Variants in RIMS2 observed in about 807,000 individuals in gnomAD.
The protein encoded by RIMS2 is regulating synaptic membrane exocytosis protein 2.
A neutral mutation model predicts 174.4 loss-of-function variants in RIMS2; 59 were observed. The observed-to-expected ratio is 0.34, with a 90% CI of 0.27 to 0.42. The LOEUF (loss-of-function observed/expected upper bound fraction) is 0.42, where lower values mean the gene tolerates loss of function less well. RIMS2 is among the 10% of genes least tolerant of loss of function. RIMS2 has a pLI of 1.00. For missense variants in RIMS2, 1,620 were observed against 1,666.3 expected, an observed-to-expected ratio of 0.97 and a Z score of 0.48; for synonymous variants, 606 against 572.5, an observed-to-expected ratio of 1.06 and a Z score of -0.84.
intron 4 of RIMS2, among the ~76,000 whole-genome samples, chr8:103,888,845 A>T (rs565796930): frequency 9.9e-5 from 15 of 151,776 alleles, no homozygotes; most frequent in African/African-American, 3.1e-4. Context: ...GCTCTTGAAG[A>T]TAGGCCTCTG....
chr8:103,826,004 A>G (rs1188613522), intron 3 of RIMS2, among the ~76,000 whole-genome samples: 1 of 152,094 alleles, frequency 6.6e-6, no homozygotes, highest in Non-Finnish European at 1.5e-5. Context: ...ATTTTATTAT[A>G]TTTGCCTCAT....
Position 104,131,897 on chromosome 8 carries a change from G to A in RIMS2, c.3335-113019G>A, listed in dbSNP as rs116244506. On this transcript the variant is annotated intron_variant, in intron 19 of 23. Transcript: ENST00000504942. ...GAGTGATTTACATTTAATAATACAA[G>A]CACTATAGAATTTTGAAAAGAAGTA... Among the ~76,000 whole-genome samples, 440 of 152,150 alleles carry A rather than the reference G, an allele frequency of 2.9e-3. 6 individuals carry two copies. Among genetic ancestry groups the A allele is most frequent in the African/African-American group, 0.01 (426 of 41,518 alleles).
intron 3 of RIMS2, among the ~76,000 whole-genome samples, chr8:103,844,061 C>T (rs866099780): frequency 6.6e-6 from 1 of 152,166 alleles, no homozygotes; most frequent in Non-Finnish European, 1.5e-5. Flanking sequence ...TGCCTGCTGC[C>T]ATTCACATAA....
At chr8:103,673,404 G>T (rs907239678) in intron 1 of RIMS2, among the ~76,000 whole-genome samples, 3 of 152,190 alleles carry the variant, frequency 2.0e-5, no homozygotes, top group Admixed American at 2.0e-4. Context: ...CCACTCTTAG[G>T]AGGCTTCCGC....
chr8:103,747,998 C>G (rs753799787), intron 2 of RIMS2, among the ~76,000 whole-genome samples: 2 of 152,006 alleles, frequency 1.3e-5, no homozygotes, highest in African/African-American at 2.4e-5. Context: ...GATGACTATA[C>G]CTGATAAGTG....
At chr8:103,931,350 C>G in exon 12 of RIMS2, 1 of 1,604,258 alleles carries the variant, frequency 6.2e-7, no homozygotes, top group Non-Finnish European at 8.5e-7. Flanking sequence ...AGATGGGAGG[C>G]CAAGGAATCC....
At chr8:104,219,330 G>A (rs1406674935) in intron 19 of RIMS2, among the ~76,000 whole-genome samples, 1 of 152,168 alleles carries the variant, frequency 6.6e-6, no homozygotes, top group Non-Finnish European at 1.5e-5. Flanking sequence ...TCTGTAATAT[G>A]ATGTACAGGA....
chr8:103,585,638 A>G (rs2093873593), intron 1 of RIMS2, among the ~76,000 whole-genome samples: 1 of 152,132 alleles, frequency 6.6e-6, no homozygotes, highest in Non-Finnish European at 1.5e-5. Flanking sequence ...AAGAACAGAA[A>G]ACCAAACACC....
At chr8:104,117,062 A>G (rs1472768757) in intron 19 of RIMS2, among the ~76,000 whole-genome samples, 2 of 151,850 alleles carry the variant, frequency 1.3e-5, no homozygotes, top group Non-Finnish European at 2.9e-5. Context: ...AAAATTCATC[A>G]CACTTGGTGG....
intron 3 of RIMS2, among the ~76,000 whole-genome samples, chr8:103,844,336 C>A (rs2098956711): frequency 6.6e-6 from 1 of 152,094 alleles, no homozygotes; most frequent in African/African-American, 2.4e-5. Flanking sequence ...CCTCTAGTCC[C>A]TTGTATTTTG....
intron 19 of RIMS2, among the ~76,000 whole-genome samples, chr8:104,120,046 A>G (rs935606570): frequency 6.6e-6 from 1 of 152,196 alleles, no homozygotes; most frequent in Non-Finnish European, 1.5e-5. Context: ...ACTGAATTGC[A>G]TAGATTCTAA....
Position 103,792,609 on chromosome 8 carries a change from T to G in RIMS2, c.698+26072T>G, listed in dbSNP as rs193236885. 1.4e-3 allele frequency among the ~76,000 whole-genome samples: 202 copies of G among 146,148 alleles called. 1 individual carries two copies. The highest frequency in any genetic ancestry group is 4.7e-3 in the African/African-American group (189 of 39,850). On this transcript the variant is annotated intron_variant, in intron 3 of 23. Coordinates refer to ENST00000504942, the Ensembl canonical transcript of RIMS2. ...AAGGAGGTAGAGACACAAAAAACCC[T>G]TCAAAAAATCAGTGAATCCAGGAGC...
chr8:103,927,115 A>G (rs1348735095), intron 10 of RIMS2, among the ~76,000 whole-genome samples: 2 of 151,540 alleles, frequency 1.3e-5, no homozygotes, highest in African/African-American at 2.4e-5. Flanking sequence ...TTGGAAAAGT[A>G]TAACGAACTG....
At chr8:104,108,869 C>T (rs2098125521) in intron 19 of RIMS2, among the ~76,000 whole-genome samples, 1 of 152,038 alleles carries the variant, frequency 6.6e-6, no homozygotes, top group African/African-American at 2.4e-5. Flanking sequence ...GTACACCTGT[C>T]ATATATAGAG....
intron 2 of RIMS2, among the ~76,000 whole-genome samples, chr8:103,757,659 C>T (rs2098041865): frequency 6.6e-6 from 1 of 152,152 alleles, no homozygotes; most frequent in South Asian, 2.1e-4. Context: ...CTTCTCTTTC[C>T]TCAAACAACA....
intron 14 of RIMS2, among the ~76,000 whole-genome samples, chr8:103,960,466 T>C (rs2089625717): frequency 6.6e-6 from 1 of 152,220 alleles, no homozygotes; most frequent in African/African-American, 2.4e-5. Flanking sequence ...TTTTTTCTTA[T>C]TGTCTTTTCA....
At position 103,649,648 on chromosome 8, in the gene RIMS2, C is replaced by CTTT. The variant is rs71575979; in HGVS notation, c.177-47428_177-47426dup. Among the ~76,000 whole-genome samples the CTTT allele has an allele frequency of 8.3e-4, 119 of 143,448 alleles. 4 individuals carry two copies. In the South Asian group the frequency reaches 0.018, roughly 22 times the overall value. 94.1% of individuals were successfully genotyped at this position (143,448 alleles called of 152,430 possible). A position where few individuals can be genotyped will look rare whatever the true frequency, so the allele number is the denominator to read the frequency against. On this transcript the variant is annotated intron_variant, in intron 1 of 23. Coordinates refer to ENST00000504942, the Ensembl canonical transcript of RIMS2. ...GAGGTTTTGTTCATGCCTTTTCATT[C>CTTT]TTTTTTTTTTTTCTTTCTGTTCTTG... is the stretch of plus-strand genomic sequence containing the variant.
chr8:104,048,259 CA>C (rs2096726670), intron 19 of RIMS2, among the ~76,000 whole-genome samples: 1 of 152,048 alleles, frequency 6.6e-6, no homozygotes, highest in Non-Finnish European at 1.5e-5. Context: ...CTCTAATAGA[CA>C]AAATGGGCAA....
intron 4 of RIMS2, among the ~76,000 whole-genome samples, chr8:103,887,829 G>C (rs1485177087): frequency 6.6e-6 from 1 of 151,504 alleles, no homozygotes; most frequent in Non-Finnish European, 1.5e-5. Flanking sequence ...GGGCCCACAG[G>C]AAGAGCCATA....
Sources: gnomAD v4.1 joint callset for allele counts (sites outside exome capture counted in the v4.1 genomes callset) on GRCh38, gnomAD v4.1.1 for gene constraint, MANE v1.5 for transcripts, NCBI Gene and HGNC (gene_info 2026-07-23, HGNC 2026-07-21) for gene names.